FAM216A: variants seen among roughly 807,000 people sequenced by gnomAD.
The protein encoded by FAM216A is family with sequence similarity 216 member A, also known as protein FAM216A.
In FAM216A, 26 loss-of-function variants were observed where a neutral mutation model predicts 37.6. The observed-to-expected ratio is 0.69, with a 90% confidence interval of 0.51 to 0.96. The LOEUF (loss-of-function observed/expected upper bound fraction) is 0.96, where lower values mean the gene tolerates loss of function less well. Ranked by LOEUF, FAM216A falls within the 40% of genes least tolerant of loss-of-function variation. FAM216A has a pLI of 0.00. For synonymous variants in FAM216A, 110 were observed against 121.7 expected (o/e 0.90, Z 0.64); for missense variants, 326 against 339.3 (o/e 0.96, Z 0.31).
chr12:110,483,330 CAA>C (rs916383892), intron 2 of FAM216A, among the ~76,000 whole-genome samples: 3 of 120,874 alleles, frequency 2.5e-5, no homozygotes, highest in Non-Finnish European at 1.7e-5. Context: ...GACTCCTTCT[CAA>C]AAAAAAAAAA....
intron 2 of FAM216A, among the ~76,000 whole-genome samples, chr12:110,478,343 G>A (rs938231460): frequency 6.6e-6 from 1 of 152,106 alleles, no homozygotes; most frequent in Non-Finnish European, 1.5e-5. Flanking sequence ...AGAGCCTGTG[G>A]TAGGCAGCAT....
intron 1 of FAM216A, 93 bp from the exon 2 acceptor site, chr12:110,472,975 CAAAAAAAAAA>C (rs879057348): frequency 9.5e-4 from 83 of 87,226 alleles, no homozygotes; most frequent in East Asian, 9.0e-3. Context: ...GACCCTGTCT[CAAAAAAAAAA>C]AAAAAAAAAA....
chr12:110,468,583 G>C, upstream of FAM216A: 1 of 1,537,244 alleles, frequency 6.5e-7, no homozygotes, highest in Non-Finnish European at 8.7e-7. Flanking sequence ...ATTTGCAAAT[G>C]TGCTGAGGAT....
chr12:110,484,370 T>G (rs895544041), intron 2 of FAM216A, among the ~76,000 whole-genome samples: 4 of 124,064 alleles, frequency 3.2e-5, no homozygotes, highest in African/African-American at 1.3e-4. Context: ...GAGCTTGCAG[T>G]GAGCTGAGAT....
chr12:110,485,313 A>T, intron 3 of FAM216A, 114 bp downstream of exon 3: 1 of 820,920 alleles, frequency 1.2e-6, no homozygotes, highest in South Asian at 1.9e-5. Flanking sequence ...AGGCATATGC[A>T]GTATAATTGT....
chr12:110,487,615 T>G, intron 5 of FAM216A: 1 of 384,288 alleles, frequency 2.6e-6, no homozygotes, highest in Non-Finnish European at 4.6e-6. Flanking sequence ...GAGAAGAATA[T>G]GGTTGGTTAT....
chr12:110,486,232 C>T, intron 3 of FAM216A, 93 bp from the exon 4 acceptor site: 1 of 1,330,650 alleles, frequency 7.5e-7, no homozygotes, highest in Non-Finnish European at 1.0e-6. Flanking sequence ...ACAGTTGGCA[C>T]AACTCTCTTG....
chr12:110,483,116 G>C lies in FAM216A; in HGVS notation c.185-1962G>C, dbSNP rs547658628. Among the ~76,000 whole-genome samples, 21 of 151,584 alleles carry C rather than the reference G, an allele frequency of 1.4e-4. 1 individual carries two copies. On this transcript the variant is annotated intron_variant, in intron 2 of 6. Coordinates refer to ENST00000377673, the MANE Select transcript of FAM216A (RefSeq NM_013300.3). ...CAAGGCGGGCAGATCACGAGGTCAGGAGATCAAGACCATACTGGCTAACAC... is the reference window on the plus strand; with the variant it reads ...CAAGGCGGGCAGATCACGAGGTCAGCAGATCAAGACCATACTGGCTAACAC...
At chr12:110,475,017 A>G (rs768156319) in intron 2 of FAM216A, among the ~76,000 whole-genome samples, 10 of 152,090 alleles carry the variant, frequency 6.6e-5, no homozygotes, top group Non-Finnish European at 1.3e-4. Context: ...ATTAAAAAAA[A>G]TTACTACTAG....
chr12:110,481,348 ATTTTTC>A (rs1293546842), intron 2 of FAM216A, among the ~76,000 whole-genome samples: 2 of 151,808 alleles, frequency 1.3e-5, no homozygotes, highest in South Asian at 2.1e-4. Context: ...CTGCCATACT[ATTTTTC>A]TTTTTCTTTT....
rs766889894 is a variant in FAM216A, at chr12:110,486,549, A to G, written c.452A>G (p.His151Arg). The change falls in exon 5 of 7, where the codon CAC (histidine) becomes CGC (arginine). Residue 151 changes from histidine (H) to arginine (R), a missense_variant. By Grantham distance (29) the His-to-Arg change is conservative. Transcript: ENST00000377673. ...TGTATCACAGGTGTCCTCACTCATCACAGAAGCCGCCTTAGCTCCCGTTAC... is the reference window on the plus strand; with the variant it reads ...TGTATCACAGGTGTCCTCACTCATCGCAGAAGCCGCCTTAGCTCCCGTTAC... ...SSQKPGVLTHHRSRLSSRYSQ... is the reference protein window; with the variant it reads ...SSQKPGVLTHRRSRLSSRYSQ... 1.7e-5 allele frequency: 28 copies of G among 1,613,302 alleles called. No homozygotes were observed. The highest frequency in any genetic ancestry group is 2.4e-5 in the Non-Finnish European group (28 of 1,179,552).
chr12:110,487,968 T>G (rs970356058), intron 6 of FAM216A, 25 bp downstream of exon 6: 9 of 1,389,244 alleles, frequency 6.5e-6, no homozygotes, highest in Non-Finnish European at 9.1e-6. Context: ...TTAACAATAT[T>G]CATTTTTTAA....
At chr12:110,478,683 A>G (rs2062728874) in intron 2 of FAM216A, among the ~76,000 whole-genome samples, 1 of 152,144 alleles carries the variant, frequency 6.6e-6, no homozygotes, top group South Asian at 2.1e-4. Context: ...GAACCACTAC[A>G]GGCTCCAGGC....
intron 2 of FAM216A, among the ~76,000 whole-genome samples, chr12:110,483,098 G>A (rs2062757281): frequency 6.6e-6 from 1 of 152,040 alleles, no homozygotes; most frequent in South Asian, 2.1e-4. Flanking sequence ...GGCCAAGGCG[G>A]GCAGATCACG....
intron 6 of FAM216A, 44 bp from the exon 7 acceptor site, chr12:110,489,975 T>G (rs1185287723): frequency 4.1e-6 from 4 of 963,922 alleles, no homozygotes; most frequent in Non-Finnish European, 6.6e-6. Flanking sequence ...ACTTAGAGCT[T>G]TATTTCCAAA....
chr12:110,490,312 T>C lies in FAM216A; in HGVS notation c.*175T>C. On this transcript the variant is annotated 3_prime_UTR_variant, in exon 7 of 7. Transcript: ENST00000377673. ...TGTAGTTCCATGTACCAATGATAGTTATGTAAGAAAATTTACATGTAACAT... is the reference window on the plus strand; with the variant it reads ...TGTAGTTCCATGTACCAATGATAGTCATGTAAGAAAATTTACATGTAACAT... 1.7e-6 allele frequency: 1 copy of C among 599,944 alleles called. No homozygotes were observed. The highest frequency in any genetic ancestry group is 3.0e-6 in the Non-Finnish European group (1 of 337,706). The allele number at this position is 599,944 out of a possible 1,614,324, so 37.2% of individuals were successfully genotyped here. A position where few individuals can be genotyped will look rare whatever the true frequency, so the allele number is the denominator to read the frequency against.
chr12:110,486,731 T>C lies in FAM216A; in HGVS notation c.620+14T>C, dbSNP rs1233518658. ...AAACAAAGAAGGGTCTGTTTCTTAGTGTAAAAGGGGGGAAATGCATCTCAG... is the reference window on the plus strand; with the variant it reads ...AAACAAAGAAGGGTCTGTTTCTTAGCGTAAAAGGGGGGAAATGCATCTCAG... On this transcript the variant is annotated intron_variant, in intron 5 of 6. Transcript: ENST00000377673. 7 of 1,590,024 alleles carry C rather than the reference T, an allele frequency of 4.4e-6. No individual in the cohort carries two copies. The highest frequency in any genetic ancestry group is 3.8e-5 in the Admixed American group (2 of 53,148).
At chr12:110,483,215 T>C (rs922976341) in intron 2 of FAM216A, among the ~76,000 whole-genome samples, 4 of 151,362 alleles carry the variant, frequency 2.6e-5, no homozygotes, top group African/African-American at 9.8e-5. Flanking sequence ...TCCCAGCTAC[T>C]CAGGAGGCTG....
chr12:110,471,862 GAA>G (rs1162067351), intron 1 of FAM216A, among the ~76,000 whole-genome samples: 1 of 152,180 alleles, frequency 6.6e-6, no homozygotes, highest in Non-Finnish European at 1.5e-5. Context: ...GTTTAGAAAA[GAA>G]AAAGAATTTG....
Sources: gnomAD v4.1 joint callset for allele counts (sites outside exome capture counted in the v4.1 genomes callset) on GRCh38, gnomAD v4.1.1 for gene constraint, MANE v1.5 for transcripts, NCBI Gene and HGNC (gene_info 2026-07-23, HGNC 2026-07-21) for gene names.